HMCN1: variants seen among roughly 807,000 people sequenced by gnomAD.
HMCN1 encodes the protein hemicentin-1.
HMCN1 carries 321 observed loss-of-function variants against 625.9 expected under a neutral mutation model. The ratio of observed to expected loss-of-function variants is 0.51; its 90% confidence interval spans 0.47 to 0.56. The LOEUF (loss-of-function observed/expected upper bound fraction) is 0.56, where lower values mean the gene tolerates loss of function less well. HMCN1 is among the 20% of genes least tolerant of loss of function. HMCN1 has a pLI of 0.00. For synonymous variants in HMCN1, 2,425 were observed against 2,417.6 expected (o/e 1.00, Z -0.09); for missense variants, 6,588 against 6,887.3 (o/e 0.96, Z 1.54).
At chr1:185,775,557 G>T (rs187289419) in intron 1 of HMCN1, among the ~76,000 whole-genome samples, 127 of 152,314 alleles carry the variant, frequency 8.3e-4, no homozygotes, top group Admixed American at 3.1e-3. Flanking sequence ...AAACAGGCTG[G>T]CTCCTATGGT....
At chr1:186,007,602 C>T (rs1348307827) in intron 30 of HMCN1, among the ~76,000 whole-genome samples, 1 of 152,058 alleles carries the variant, frequency 6.6e-6, no homozygotes, top group East Asian at 1.9e-4. Flanking sequence ...ACAAAACAAA[C>T]TTTAAAAATT....
chr1:185,976,558 A>C (rs1177470458), intron 15 of HMCN1, among the ~76,000 whole-genome samples: 1 of 152,114 alleles, frequency 6.6e-6, no homozygotes, highest in East Asian at 1.9e-4. Flanking sequence ...ACCCATAGAA[A>C]AGGGGAAGTT....
chr1:186,150,950 A>G lies in HMCN1; in HGVS notation c.14609-250A>G, dbSNP rs757976803. On this transcript the variant is annotated intron_variant, in intron 93 of 106. Coordinates refer to ENST00000271588, the MANE Select transcript of HMCN1 (RefSeq NM_031935.3). The stretch of plus-strand genomic sequence containing the variant: ...GGACACTGATTGTATTCTTTGGCTT[A>G]TGAAATATTAATAACACTATGATGT... Among the ~76,000 whole-genome samples the G allele has an allele frequency of 4.6e-4, 70 of 152,232 alleles. 1 individual carries two copies. Among genetic ancestry groups the G allele is most frequent in the Middle Eastern group, 3.4e-3 (1 of 294 alleles).
chr1:186,166,118 C>T (rs1651861559), intron 98 of HMCN1, 66 bp from the exon 99 acceptor site: 1 of 1,583,332 alleles, frequency 6.3e-7, no homozygotes, highest in East Asian at 2.2e-5. Flanking sequence ...TTTTTACTGG[C>T]TTTAATAACT....
chr1:185,784,042 C>G (rs1657367320), intron 1 of HMCN1, among the ~76,000 whole-genome samples: 1 of 152,232 alleles, frequency 6.6e-6, no homozygotes, highest in South Asian at 2.1e-4. Flanking sequence ...CTATTCAAGC[C>G]TCAGCAATGG....
At chr1:186,098,003 A>C (rs968806424) in intron 68 of HMCN1, among the ~76,000 whole-genome samples, 16 of 152,182 alleles carry the variant, frequency 1.1e-4, no homozygotes, top group African/African-American at 3.4e-4. Flanking sequence ...GTCCACATGC[A>C]GAAATATGAA....
chr1:186,187,236 C>T (rs1653387844), intron 105 of HMCN1, among the ~76,000 whole-genome samples: 1 of 150,842 alleles, frequency 6.6e-6, no homozygotes, highest in African/African-American at 2.5e-5. Context: ...CACTACCAAA[C>T]AACAGAGGAT....
intron 4 of HMCN1, among the ~76,000 whole-genome samples, chr1:185,868,596 A>C (rs1663419762): frequency 3.3e-5 from 5 of 152,138 alleles, no homozygotes; most frequent in Non-Finnish European, 7.4e-5. Context: ...CATGATTATA[A>C]GTTTTCTGAG....
chr1:185,993,475 G>A lies in HMCN1; in HGVS notation c.3505+166G>A, dbSNP rs949507266. 12 of 667,432 alleles carry A rather than the reference G, an allele frequency of 1.8e-5. No individual in the cohort carries two copies. In the African/African-American group the frequency reaches 2.2e-4, roughly 12 times the overall value. The allele number at this position is 667,432 out of a possible 1,614,324, so 41.3% of individuals were successfully genotyped here. ...GATTTTCTTTTGTTTACTCTGAAAA[G>A]TCTTCCTGCTATTTATAAACAATCT... On this transcript the variant is annotated intron_variant, in intron 23 of 106. Coordinates refer to ENST00000271588, the MANE Select transcript of HMCN1 (RefSeq NM_031935.3).
intron 83 of HMCN1, 142 bp from the exon 84 acceptor site, chr1:186,129,824 T>G: frequency 2.1e-6 from 2 of 960,864 alleles, no homozygotes; most frequent in Non-Finnish European, 3.3e-6. Flanking sequence ...TGAAGAAATG[T>G]GGAAAAGGCT....
chr1:186,119,617 T>G, intron 78 of HMCN1, 128 bp from the exon 79 acceptor site: 1 of 995,946 alleles, frequency 1.0e-6, no homozygotes, highest in Non-Finnish European at 1.5e-6. Flanking sequence ...CATTCACTTT[T>G]CTCTTGGGCA....
Position 185,858,490 on chromosome 1 carries a change from T to C in HMCN1, c.340-5980T>C, listed in dbSNP as rs188580034. Among the ~76,000 whole-genome samples the C allele has an allele frequency of 1.9e-3, 277 of 147,692 alleles. 1 individual carries two copies. The Middle Eastern group carries it at 0.025, about 13-fold the overall frequency. On this transcript the variant is annotated intron_variant, in intron 2 of 106. Transcript: ENST00000271588. ...TAGCCCAGGCTGGAGTGCAGTGGCA[T>C]AATCATGGTTCACTGCAGTCTCCAC...
Position 186,039,931 on chromosome 1 carries a change from G to C in HMCN1, c.6180+52G>C, listed in dbSNP as rs747991161. On this transcript the variant is annotated intron_variant, in intron 39 of 106. Coordinates refer to ENST00000271588, the MANE Select transcript of HMCN1 (RefSeq NM_031935.3). ...ATTTACCACCTGATTATTCAGTACA[G>C]GAAGTACACACAGGTAAAACTGTTG... 9 of 1,535,912 alleles carry C rather than the reference G, an allele frequency of 5.9e-6. 1 individual carries two copies. In the South Asian group the frequency reaches 6.7e-5, roughly 11 times the overall value.
chr1:185,920,988 G>T (rs182323285), intron 6 of HMCN1, among the ~76,000 whole-genome samples: 233 of 152,238 alleles, frequency 1.5e-3, no homozygotes, highest in Admixed American at 3.3e-3. Flanking sequence ...ATTATCTAAA[G>T]AAATTGACAT....
chr1:185,991,269 C>T (rs946377304), intron 22 of HMCN1, among the ~76,000 whole-genome samples: 4 of 151,964 alleles, frequency 2.6e-5, no homozygotes, highest in Admixed American at 1.3e-4. Flanking sequence ...TCCCTACTGC[C>T]AGTGAAGGAA....
chr1:186,084,988 C>T (rs1659385427), intron 57 of HMCN1, among the ~76,000 whole-genome samples: 3 of 152,080 alleles, frequency 2.0e-5, no homozygotes, highest in Admixed American at 1.3e-4. Flanking sequence ...AAGTTTTATA[C>T]CTGCTTCTCT....
chr1:185,888,505 C>A (rs1427148493), intron 4 of HMCN1, among the ~76,000 whole-genome samples: 1 of 142,684 alleles, frequency 7.0e-6, no homozygotes, highest in Non-Finnish European at 1.5e-5. Flanking sequence ...AGGAAGGGAT[C>A]CAGTTTCAGC....
intron 9 of HMCN1, among the ~76,000 whole-genome samples, chr1:185,927,583 C>T (rs1056406810): frequency 5.9e-5 from 9 of 152,102 alleles, no homozygotes; most frequent in African/African-American, 2.2e-4. Flanking sequence ...TCAGTAAGTT[C>T]TTCATGGTTT....
intron 11 of HMCN1, among the ~76,000 whole-genome samples, chr1:185,961,744 G>A (rs1038403498): frequency 1.3e-5 from 2 of 152,098 alleles, no homozygotes; most frequent in African/African-American, 4.8e-5. Context: ...TCCTGATTTA[G>A]TGTTCCATTT....
Sources: allele counts gnomAD v4.1 joint callset (sites outside exome capture counted in the v4.1 genomes callset), GRCh38; gene constraint gnomAD v4.1.1; transcripts MANE v1.5; gene names NCBI Gene and HGNC (gene_info 2026-07-23, HGNC 2026-07-21).